Variants in GPR35 observed in about 807,000 individuals in gnomAD.
GPR35 encodes the protein KYNA receptor.
For synonymous variants in GPR35, 207 were observed against 198.4 expected (o/e 1.04, Z -0.36); for missense variants, 372 against 422.5 (o/e 0.88, Z 1.05).
In GPR35 at chr2:240,632,438, A is replaced by G. The variant is rs146021437; in HGVS notation, c.*1556A>G. Among the ~76,000 whole-genome samples, 89 of 148,938 alleles carry G rather than the reference A, an allele frequency of 6.0e-4. No homozygotes were observed. Among genetic ancestry groups the G allele is most frequent in the African/African-American group, 2.2e-3 (87 of 40,024 alleles). ...ATGCCCAGGAGTGTCCCTGCCTAGG[A>G]AGATCCATTACCAGAAGGGCCCATG... On this transcript the variant is annotated 3_prime_UTR_variant, in exon 2 of 2. Coordinates refer to ENST00000407714, the MANE Select transcript of GPR35 (RefSeq NM_005301.5).
At chr2:240,623,359 C>CAT (rs2043324226), upstream of GPR35, among the ~76,000 whole-genome samples, 1 of 134,220 alleles carries the variant, frequency 7.5e-6, no homozygotes, top group Admixed American at 7.3e-5. Flanking sequence ...GCAAACAGGT[C>CAT]GTGAGGGCGC....
chr2:240,630,541 G>T lies in GPR35; in HGVS notation c.589G>T (p.Ala197Ser), dbSNP rs775924140. 1 of 1,612,896 alleles carries T rather than the reference G, an allele frequency of 6.2e-7. No individual in the cohort carries two copies. The highest frequency in any genetic ancestry group is 2.2e-5 in the East Asian group (1 of 44,862). ...CTTCTGCTCCCTGAAGGTGGTGACT[G>T]CCCTGGCCCAGAGGCCACCCACCGA... The part of the protein sequence containing the change: ...VVFCSLKVVT[A>S]LAQRPPTDVG... Residue 197 changes from alanine (A) to serine (S), a missense_variant, in exon 2 of 2, where the codon GCC becomes TCC. Coordinates refer to ENST00000407714, the MANE Select transcript of GPR35 (RefSeq NM_005301.5).
At chr2:240,613,040 A>G (rs958709131) in intron 2 of GPR35, among the ~76,000 whole-genome samples, 2 of 152,242 alleles carry the variant, frequency 1.3e-5, no homozygotes, top group Admixed American at 6.5e-5. Flanking sequence ...TGGAACTCCA[A>G]CCTCAACTGT....
chr2:240,632,491 C>G lies in GPR35; in HGVS notation c.*1609C>G, dbSNP rs2043460934. ...AAGGAGCGTTCATGCCCAGGAAGGT[C>G]CAGCCCAGGAGGGTCCATGTCAAGG... is the stretch of plus-strand genomic sequence containing the variant. On this transcript the variant is annotated 3_prime_UTR_variant, in exon 2 of 2. Coordinates refer to ENST00000407714, the MANE Select transcript of GPR35 (RefSeq NM_005301.5). Among the ~76,000 whole-genome samples the G allele has an allele frequency of 6.6e-6, 1 of 150,640 alleles. No individual in the cohort carries two copies. Among genetic ancestry groups the G allele is most frequent in the African/African-American group, 2.4e-5 (1 of 40,904 alleles).
chr2:240,623,009 G>A, upstream of GPR35, among the ~76,000 whole-genome samples: 1 of 152,154 alleles, frequency 6.6e-6, no homozygotes, highest in East Asian at 1.9e-4. Flanking sequence ...GGGGACTCCG[G>A]GTGTCCTCGA....
rs546263434 is a variant in GPR35, at chr2:240,608,244, C to T, written c.-577+1632C>T. ...CATGTGACCATAGGTAATTTTACTT[C>T]TTCCTTTTCTATCTGCTTTTTTCCC... On this transcript the variant is annotated intron_variant, in intron 2 of 5. Transcript: ENST00000319838. Among the ~76,000 whole-genome samples the T allele has an allele frequency of 2.6e-5, 4 of 152,274 alleles. No individual in the cohort carries two copies. In the Middle Eastern group the frequency reaches 0.014, roughly 518 times the overall value.
chr2:240,632,710 G>A lies in GPR35; in HGVS notation c.*1828G>A, dbSNP rs2043463290. ...CATGCCCATGAGATCCTCATGCCCA[G>A]GAAGGCCCATGCCCAGGAGGGTCCA... is the stretch of plus-strand genomic sequence containing the variant. On this transcript the variant is annotated 3_prime_UTR_variant, in exon 2 of 2. Coordinates refer to ENST00000407714, the MANE Select transcript of GPR35 (RefSeq NM_005301.5). 1.3e-5 allele frequency among the ~76,000 whole-genome samples: 2 copies of A among 151,818 alleles called. No homozygotes were observed. The highest frequency in any genetic ancestry group is 1.3e-4 in the Admixed American group (2 of 15,262).
At chr2:240,621,049 G>A (rs781160718), upstream of GPR35, among the ~76,000 whole-genome samples, 2 of 152,102 alleles carry the variant, frequency 1.3e-5, no homozygotes, top group East Asian at 1.9e-4. Context: ...AGTGCTGAGG[G>A]TGACAGGGAA....
chr2:240,614,940 GTGTA>G (rs1374568790), intron 2 of GPR35, among the ~76,000 whole-genome samples: 3 of 152,110 alleles, frequency 2.0e-5, no homozygotes, highest in Non-Finnish European at 2.9e-5. Context: ...GTGTGCTTGT[GTGTA>G]TGCATGTTTA....
upstream of GPR35, among the ~76,000 whole-genome samples, chr2:240,623,114 A>G (rs114729165): frequency 4.9e-3 from 745 of 152,332 alleles, 5 homozygotes; most frequent in African/African-American, 0.017. Context: ...CGGCACTCGC[A>G]GCCCCGCGGC....
Position 240,630,960 on chromosome 2 carries a change from T to C in GPR35, c.*78T>C. ...GCCTGCCAGGGGAAGCTGGAACCAGTAGCAAGGAGCCCGAGATCAGCCCTG... is the reference window on the plus strand; with the variant it reads ...GCCTGCCAGGGGAAGCTGGAACCAGCAGCAAGGAGCCCGAGATCAGCCCTG... On this transcript the variant is annotated 3_prime_UTR_variant, in exon 2 of 2. Transcript: ENST00000407714. 1.6e-6 allele frequency: 2 copies of C among 1,262,786 alleles called. No individual in the cohort carries two copies. The highest frequency in any genetic ancestry group is 2.3e-6 in the Non-Finnish European group (2 of 885,998). 78.2% of individuals were successfully genotyped at this position (1,262,786 alleles called of 1,614,324 possible).
intron 2 of GPR35, among the ~76,000 whole-genome samples, chr2:240,609,021 T>A (rs1371831587): frequency 6.6e-6 from 1 of 152,212 alleles, no homozygotes; most frequent in Non-Finnish European, 1.5e-5. Flanking sequence ...ATGATGTTCT[T>A]ACTAATATTC....
intron 3 of GPR35, chr2:240,616,901 A>G: frequency 1.3e-6 from 1 of 755,772 alleles, no homozygotes; most frequent in Non-Finnish European, 2.5e-6. Flanking sequence ...GCCAGTAAGG[A>G]ACTGAGGGCA....
intron 2 of GPR35, among the ~76,000 whole-genome samples, chr2:240,608,031 A>G (rs562928569): frequency 2.0e-5 from 3 of 152,146 alleles, no homozygotes; most frequent in Non-Finnish European, 4.4e-5. Flanking sequence ...AGCCAGGACT[A>G]CAGGTGTGCA....
rs781023455 is a variant in GPR35, at chr2:240,616,438, T to C, written c.-526T>C. 3.8e-6 allele frequency: 3 copies of C among 780,734 alleles called. No individual in the cohort carries two copies. The South Asian group carries it at 4.0e-5, about 10-fold the overall frequency. The allele number at this position is 780,734 out of a possible 1,614,324, so 48.4% of individuals were successfully genotyped here. ...CAGACTGGACTTGCAAAGTCCAGCCTGTATGGCTGGAGTTCCCATGCCTGC... is the reference window on the plus strand; with the variant it reads ...CAGACTGGACTTGCAAAGTCCAGCCCGTATGGCTGGAGTTCCCATGCCTGC... On this transcript the variant is annotated 5_prime_UTR_variant, in exon 3 of 6. Coordinates refer to the GPR35 transcript ENST00000319838.
At chr2:240,612,550 G>A (rs1257060278) in intron 2 of GPR35, among the ~76,000 whole-genome samples, 1 of 152,148 alleles carries the variant, frequency 6.6e-6, no homozygotes, top group African/African-American at 2.4e-5. Context: ...AGTCCAAAGG[G>A]CTCTCACCTC....
chr2:240,621,544 C>T (rs2043294650), upstream of GPR35, among the ~76,000 whole-genome samples: 1 of 152,200 alleles, frequency 6.6e-6, no homozygotes, highest in Non-Finnish European at 1.5e-5. Flanking sequence ...TGAGCCACTG[C>T]ACCCAGCCAA....
chr2:240,611,302 C>T (rs909809377), intron 2 of GPR35, among the ~76,000 whole-genome samples: 14 of 152,122 alleles, frequency 9.2e-5, no homozygotes, highest in Non-Finnish European at 1.9e-4. Context: ...TTGTTTACCT[C>T]AGTCACATTT....
rs1386356871 is a variant in GPR35 at position 240,630,726 on chromosome 2, G to A, written c.774G>A (p.Leu258=). ...TCCTGGAGACGATCCGTCGCGCCCT[G>A]TACATAACCAGCAAGCTCTCAGATG... is the stretch of plus-strand genomic sequence containing the variant. ...CALLETIRRA[L]YITSKLSDAN... is the part of the protein sequence containing the mutation. Residue 258 remains leucine (L), a synonymous_variant, in exon 2 of 2, where the codon CTG becomes CTA. Coordinates refer to ENST00000407714, the MANE Select transcript of GPR35 (RefSeq NM_005301.5). The A allele has an allele frequency of 1.9e-6, 3 of 1,613,532 alleles. No individual in the cohort carries two copies. Among genetic ancestry groups the A allele is most frequent in the South Asian group, 1.1e-5 (1 of 91,092 alleles).
Sources: allele counts gnomAD v4.1 joint callset (sites outside exome capture counted in the v4.1 genomes callset), GRCh38; gene constraint gnomAD v4.1.1; transcripts MANE v1.5; gene names NCBI Gene and HGNC (gene_info 2026-07-23, HGNC 2026-07-21).